Variants in FGFR2 observed in about 807,000 individuals in gnomAD.
FGFR2 encodes fibroblast growth factor receptor 2.
In FGFR2, 19 loss-of-function variants were observed where a neutral mutation model predicts 95.9. The ratio of observed to expected loss-of-function variants is 0.20; its 90% confidence interval spans 0.14 to 0.29. The LOEUF is 0.29. Ranked by LOEUF, FGFR2 falls within the 10% of genes least tolerant of loss-of-function variation. FGFR2 has a pLI of 1.00. For missense variants in FGFR2, 707 were observed against 1,056.9 expected (o/e 0.67, Z 4.59); for synonymous variants, 392 against 393.3 (o/e 1.00, Z 0.04).
At chr10:121,511,386 G>A (rs548269106) in intron 9 of FGFR2, among the ~76,000 whole-genome samples, 3 of 152,206 alleles carry the variant, frequency 2.0e-5, no homozygotes, top group East Asian at 3.9e-4. Flanking sequence ...AACACCGCAC[G>A]TCTCCTAAAC....
rs370064931 is a variant in FGFR2, at chr10:121,574,333, G to A, written c.110-8629C>T. 4.8e-3 allele frequency among the ~76,000 whole-genome samples: 725 copies of A among 151,912 alleles called. 8 individuals are homozygous for A. The highest frequency in any genetic ancestry group is 0.016 in the African/African-American group (664 of 41,380). On this transcript the variant is annotated intron_variant, in intron 2 of 17. Coordinates refer to ENST00000358487, the MANE Select transcript of FGFR2 (RefSeq NM_000141.5). ...CACTTGAGGTCAGGAGTTCGAGACC[G>A]GCCTGGCCAACAAGACGAAACCCCG... is the stretch of plus-strand genomic sequence containing the variant.
intron 5 of FGFR2, among the ~76,000 whole-genome samples, chr10:121,548,960 A>C (rs1854974080): frequency 6.6e-6 from 1 of 152,128 alleles, no homozygotes; most frequent in Admixed American, 6.5e-5. Flanking sequence ...GACTGAACTA[A>C]GAACAGAAGG....
chr10:121,497,035 A>G lies in FGFR2; in HGVS notation c.1673-313T>C, dbSNP rs371107668. On this transcript the variant is annotated intron_variant, in intron 12 of 17. Transcript: ENST00000358487. Reference sequence around the variant, plus strand: ...AGTCCCAGCTACTTGAGAGGCTGAGACAGGAGAATCGCTTGAACCCAGGAG... The same window carrying G: ...AGTCCCAGCTACTTGAGAGGCTGAGGCAGGAGAATCGCTTGAACCCAGGAG... Among the ~76,000 whole-genome samples the G allele has an allele frequency of 1.6e-3, 234 of 150,944 alleles. 1 individual carries two copies. Among genetic ancestry groups the G allele is most frequent in the African/African-American group, 5.0e-3 (205 of 41,110 alleles).
chr10:121,573,397 C>T (rs922051609), intron 2 of FGFR2, among the ~76,000 whole-genome samples: 1 of 152,144 alleles, frequency 6.6e-6, no homozygotes, highest in Non-Finnish European at 1.5e-5. Context: ...TCCAAGGATG[C>T]GGTGGGGTCG....
chr10:121,591,641 G>A (rs1321138772), intron 2 of FGFR2, among the ~76,000 whole-genome samples: 1 of 152,194 alleles, frequency 6.6e-6, no homozygotes, highest in Non-Finnish European at 1.5e-5. Context: ...TCTTTGCCAG[G>A]TTTTGCACCT....
chr10:121,524,056 T>C (rs1185009918), intron 6 of FGFR2, among the ~76,000 whole-genome samples: 3 of 150,946 alleles, frequency 2.0e-5, no homozygotes, highest in African/African-American at 7.3e-5. Context: ...AAAGTGCTGC[T>C]GAGCTCCAGT....
chr10:121,556,345 C>G (rs1361983613), intron 4 of FGFR2, among the ~76,000 whole-genome samples: 1 of 151,744 alleles, frequency 6.6e-6, no homozygotes, highest in East Asian at 1.9e-4. Context: ...TGGGCCTGCC[C>G]CCACCAAAAC....
chr10:121,551,381 C>T lies in FGFR2; in HGVS notation c.533G>A (p.Arg178His), dbSNP rs141796960. Residue 178 changes from arginine (R) to histidine (H), a missense_variant, in exon 5 of 18, where the codon CGC (arginine) becomes CAC (histidine). Transcript: ENST00000358487. ...CATTGGGTTCCCCCCGGCTGGGCAG[C>T]GAAACTTGACAGTGTTGGCCGCAGG... Reference protein sequence around the residue: ...AVPAANTVKFRCPAGGNPMPT... With the variant: ...AVPAANTVKFHCPAGGNPMPT... 1.1e-5 allele frequency: 17 copies of T among 1,614,044 alleles called. No individual in the cohort carries two copies. The highest frequency in any genetic ancestry group is 6.7e-5 in the East Asian group (3 of 44,902).
intron 13 of FGFR2, among the ~76,000 whole-genome samples, chr10:121,489,478 T>C (rs1457373943): frequency 6.6e-6 from 1 of 152,212 alleles, no homozygotes; most frequent in Non-Finnish European, 1.5e-5. Context: ...TCCCTTCAAA[T>C]AGAGGAATTG....
At chr10:121,587,525 T>C (rs974690771) in intron 2 of FGFR2, among the ~76,000 whole-genome samples, 42 of 152,206 alleles carry the variant, frequency 2.8e-4, no homozygotes, top group African/African-American at 9.6e-4. Flanking sequence ...AAAGATCTAA[T>C]GTCCAGCATC....
chr10:121,519,851 ACT>A (rs1432033805), intron 7 of FGFR2, 126 bp downstream of exon 7: 3 of 832,926 alleles, frequency 3.6e-6, no homozygotes, highest in African/African-American at 1.7e-5. Flanking sequence ...TCCTTAGAAC[ACT>A]CTCTGCTGGC....
intron 2 of FGFR2, among the ~76,000 whole-genome samples, chr10:121,582,716 G>C (rs901219909): frequency 6.6e-6 from 1 of 152,112 alleles, no homozygotes; most frequent in Non-Finnish European, 1.5e-5. Context: ...CCGCGAGGCA[G>C]AGGTTGCAGT....
At chr10:121,510,778 ATTTAT>A (rs58544210) in intron 9 of FGFR2, among the ~76,000 whole-genome samples, 2,089 of 145,350 alleles carry the variant, frequency 0.014, 53 homozygotes, top group African/African-American at 0.05. Context: ...ACTGCCCTTG[ATTTAT>A]TTTATTTTAT....
chr10:121,568,859 C>T (rs534515651), intron 2 of FGFR2, among the ~76,000 whole-genome samples: 1 of 152,186 alleles, frequency 6.6e-6, no homozygotes, highest in East Asian at 1.9e-4. Context: ...CAGGGGACAG[C>T]GAGGACCTGT....
intron 9 of FGFR2, among the ~76,000 whole-genome samples, chr10:121,514,902 T>C (rs1849491960): frequency 1.3e-5 from 2 of 152,194 alleles, no homozygotes; most frequent in Non-Finnish European, 2.9e-5. Flanking sequence ...TGTCCTTTCT[T>C]GCCCTTGGAA....
rs1329956310 is a variant in FGFR2 at position 121,593,889 on chromosome 10, T to C, written c.-72A>G. 2.1e-6 allele frequency: 3 copies of C among 1,417,800 alleles called. No individual in the cohort carries two copies. In the South Asian group the frequency reaches 3.5e-5, roughly 16 times the overall value. The allele number at this position is 1,417,800 out of a possible 1,614,324, so 87.8% of individuals were successfully genotyped here. On this transcript the variant is annotated 5_prime_UTR_variant, in exon 2 of 18. Transcript: ENST00000358487. ...GTTAATCCCATCTGCACACTTCCTC[T>C]ACGGGCATGGACTACGCGCAATGCC... is the stretch of plus-strand genomic sequence containing the variant.
At chr10:121,567,239 A>G (rs572825487) in intron 2 of FGFR2, among the ~76,000 whole-genome samples, 7 of 152,242 alleles carry the variant, frequency 4.6e-5, no homozygotes, top group African/African-American at 7.2e-5. Context: ...CCTCACCACC[A>G]CCATCAACAG....
intron 13 of FGFR2, 94 bp from the exon 14 acceptor site, chr10:121,488,207 A>G: frequency 6.5e-7 from 1 of 1,545,986 alleles, no homozygotes; most frequent in Non-Finnish European, 8.8e-7. Context: ...GCAGATAGAA[A>G]ATATAGCTGA....
rs369262281 is a variant in FGFR2 at position 121,571,776 on chromosome 10, T to A, written c.110-6072A>T. 3.4e-4 allele frequency among the ~76,000 whole-genome samples: 51 copies of A among 151,098 alleles called. No homozygotes were observed. The South Asian group carries it at 0.01, about 31-fold the overall frequency. ...CTGGCCAACATGGAGAAACCCCGTC[T>A]CTACTGAGAATGCAAAATTAGCTGG... On this transcript the variant is annotated intron_variant, in intron 2 of 17. Transcript: ENST00000358487.
Sources: gnomAD v4.1 joint callset for allele counts (sites outside exome capture counted in the v4.1 genomes callset) on GRCh38, gnomAD v4.1.1 for gene constraint, MANE v1.5 for transcripts, NCBI Gene and HGNC (gene_info 2026-07-23, HGNC 2026-07-21) for gene names.